PIGK: variants seen among roughly 807,000 people sequenced by gnomAD.
The protein encoded by PIGK is phosphatidylinositol glycan anchor biosynthesis class K, also known as GPI-anchor transamidase.
Under a neutral mutation model 50.6 loss-of-function variants are expected in PIGK, and 42 were observed. The ratio of observed to expected loss-of-function variants is 0.83; its 90% CI spans 0.65 to 1.07. PIGK has a LOEUF of 1.07. Ranked by LOEUF, PIGK falls within the 50% of genes least tolerant of loss-of-function variation. The pLI is 0.00. For missense variants in PIGK, 448 were observed against 488.7 expected (o/e 0.92, Z 0.78); for synonymous variants, 151 against 156.0 (o/e 0.97, Z 0.24).
chr1:77,133,158 C>G (rs1654416575), intron 9 of PIGK, among the ~76,000 whole-genome samples: 1 of 151,988 alleles, frequency 6.6e-6, no homozygotes, highest in South Asian at 2.1e-4. Context: ...CATGTTGGAC[C>G]ATTTTTCTGT....
intron 3 of PIGK, among the ~76,000 whole-genome samples, chr1:77,204,605 T>C (rs1656247889): frequency 6.6e-6 from 1 of 152,094 alleles, no homozygotes; most frequent in African/African-American, 2.4e-5. Flanking sequence ...CCTGCCGACA[T>C]GTGATGTCTC....
intron 3 of PIGK, among the ~76,000 whole-genome samples, chr1:77,194,277 C>T (rs1189627085): frequency 6.6e-6 from 1 of 152,138 alleles, no homozygotes; most frequent in African/African-American, 2.4e-5. Flanking sequence ...TTGGAGATTT[C>T]TCAAAGAACT....
intron 3 of PIGK, among the ~76,000 whole-genome samples, chr1:77,188,193 G>A (rs578144310): frequency 8.5e-5 from 13 of 152,244 alleles, no homozygotes; most frequent in African/African-American, 1.9e-4. Context: ...TCTGACCACT[G>A]GTGAGCCGGG....
At chr1:77,188,653 C>A (rs1365563010) in intron 3 of PIGK, among the ~76,000 whole-genome samples, 5 of 152,198 alleles carry the variant, frequency 3.3e-5, no homozygotes, top group Non-Finnish European at 7.3e-5. Flanking sequence ...ACCCTCCCTC[C>A]CTTTTTGAAA....
Position 77,092,470 on chromosome 1 carries a change from C to T in PIGK, c.1092G>A (p.Trp364Ter). 6.3e-7 allele frequency: 1 copy of T among 1,589,924 alleles called. No individual in the cohort carries two copies. Among genetic ancestry groups the T allele is most frequent in the East Asian group, 2.2e-5 (1 of 44,464 alleles). ...IIHQKPKLKD[W>*]HPPGGFILGL... ...CCAGAATAAAGCCCCCAGGAGGATG[C>T]CAGTCTTTCAGCTTCGGTTTCTGCA... Residue 364 changes from tryptophan to a stop codon, truncating the protein, a stop_gained, in exon 11 of 11, where the codon TGG becomes TGA. Transcript: ENST00000370812. LOFTEE classifies it high-confidence loss of function.
chr1:77,117,176 G>C (rs1653997422), intron 10 of PIGK, among the ~76,000 whole-genome samples: 1 of 152,032 alleles, frequency 6.6e-6, no homozygotes, highest in Non-Finnish European at 1.5e-5. Flanking sequence ...AATTTCACTA[G>C]CATCTCACCA....
intron 1 of PIGK, among the ~76,000 whole-genome samples, chr1:77,211,996 A>G (rs1182594754): frequency 2.0e-5 from 3 of 152,052 alleles, no homozygotes; most frequent in Non-Finnish European, 4.4e-5. Flanking sequence ...TAAAAATTTC[A>G]TTCAGTATCC....
intron 10 of PIGK, among the ~76,000 whole-genome samples, chr1:77,105,286 G>A (rs951370149): frequency 2.6e-5 from 4 of 151,848 alleles, no homozygotes; most frequent in Non-Finnish European, 4.4e-5. Flanking sequence ...ATGGGGGTGG[G>A]GCAGGCCATA....
At chr1:77,108,818 C>G (rs1653763119) in intron 10 of PIGK, among the ~76,000 whole-genome samples, 1 of 152,148 alleles carries the variant, frequency 6.6e-6, no homozygotes, top group South Asian at 2.1e-4. Context: ...CTAAACGTCT[C>G]TTCTCGCTTC....
At chr1:77,138,568 C>A (rs1276939747) in intron 9 of PIGK, among the ~76,000 whole-genome samples, 1 of 152,170 alleles carries the variant, frequency 6.6e-6, no homozygotes, top group Non-Finnish European at 1.5e-5. Flanking sequence ...AGGTAAAGGA[C>A]CCAGCCAACC....
At chr1:77,125,109 AC>A (rs1654200421) in intron 9 of PIGK, among the ~76,000 whole-genome samples, 2 of 152,242 alleles carry the variant, frequency 1.3e-5, no homozygotes, top group African/African-American at 4.8e-5. Flanking sequence ...AAGATGAAAT[AC>A]ATTTTTTTCT....
chr1:77,092,117 A>G lies in PIGK; in HGVS notation c.*257T>C. ...AGGGGAAATTACTATTTTCAAAAAC[A>G]GTCAATGTATTCTGATCTCTGTCTC... On this transcript the variant is annotated 3_prime_UTR_variant, in exon 11 of 11. Transcript: ENST00000370812. The G allele has an allele frequency of 4.9e-6, 1 of 202,066 alleles. No individual in the cohort carries two copies. The highest frequency in any genetic ancestry group is 2.3e-5 in the African/African-American group (1 of 43,288). The allele number at this position is 202,066 out of a possible 1,614,324, so 12.5% of individuals were successfully genotyped here.
At chr1:77,133,772 A>C (rs1654436185) in intron 9 of PIGK, among the ~76,000 whole-genome samples, 1 of 152,206 alleles carries the variant, frequency 6.6e-6, no homozygotes, top group Non-Finnish European at 1.5e-5. Flanking sequence ...CAAGGTTTTC[A>C]GTTGAAAGCC....
intron 10 of PIGK, among the ~76,000 whole-genome samples, chr1:77,093,301 C>CT (rs1653338882): frequency 6.6e-6 from 1 of 152,032 alleles, no homozygotes; most frequent in African/African-American, 2.4e-5. Context: ...GTCACGTATG[C>CT]TTTTTTGTCC....
intron 9 of PIGK, among the ~76,000 whole-genome samples, chr1:77,146,072 G>GT (rs1361080067): frequency 6.6e-6 from 1 of 152,004 alleles, no homozygotes; most frequent in African/African-American, 2.4e-5. Flanking sequence ...TCGAACCATT[G>GT]TAAGTAAGTT....
chr1:77,214,461 C>T (rs551827518), intron 1 of PIGK, among the ~76,000 whole-genome samples: 29 of 152,102 alleles, frequency 1.9e-4, no homozygotes, highest in East Asian at 9.7e-4. Context: ...CATCCCCTCA[C>T]GATAAAAACT....
chr1:77,209,380 A>C (rs1656363481), intron 2 of PIGK, among the ~76,000 whole-genome samples: 1 of 152,132 alleles, frequency 6.6e-6, no homozygotes, highest in Non-Finnish European at 1.5e-5. Context: ...GGTTGGGCAA[A>C]AGGCAGAAGA....
intron 9 of PIGK, among the ~76,000 whole-genome samples, chr1:77,131,223 TATAA>T (rs1333242999): frequency 2.6e-5 from 4 of 151,606 alleles, no homozygotes; most frequent in Admixed American, 2.6e-4. Context: ...ATCTATTATA[TATAA>T]ATAATATAGG....
chr1:77,132,067 A>G (rs1197776492), intron 9 of PIGK, among the ~76,000 whole-genome samples: 1 of 151,980 alleles, frequency 6.6e-6, no homozygotes, highest in Non-Finnish European at 1.5e-5. Context: ...TTGAAGGCTT[A>G]ATTTATTTCT....
Sources: allele counts gnomAD v4.1 joint callset (sites outside exome capture counted in the v4.1 genomes callset), GRCh38; gene constraint gnomAD v4.1.1; transcripts MANE v1.5; gene names NCBI Gene and HGNC (gene_info 2026-07-23, HGNC 2026-07-21).